The following SLC6A11 variants were observed in gnomAD, a reference collection of about 807,000 sequenced individuals.
The protein encoded by SLC6A11 is sodium- and chloride-dependent GABA transporter 3.
In SLC6A11, 25 loss-of-function variants were observed where a neutral mutation model predicts 74.8. The ratio of observed to expected loss-of-function variants is 0.33; its 90% CI spans 0.24 to 0.47. SLC6A11 has a LOEUF of 0.47. Among genes scored for constraint, SLC6A11 ranks in the 20% least tolerant of loss-of-function variants. The pLI is 1.00. For missense variants in SLC6A11, 574 were observed against 837.0 expected (o/e 0.69, Z 3.88); for synonymous variants, 330 against 330.2 (o/e 1.00, Z 0.01).
chr3:10,828,061 C>A (rs146440266), intron 4 of SLC6A11, among the ~76,000 whole-genome samples: 49 of 152,284 alleles, frequency 3.2e-4, no homozygotes, highest in African/African-American at 1.1e-3. Flanking sequence ...GTGCATTTAT[C>A]TAAATGTGTC....
At chr3:10,914,131 C>T (rs1442845857) in intron 7 of SLC6A11, among the ~76,000 whole-genome samples, 3 of 152,200 alleles carry the variant, frequency 2.0e-5, no homozygotes, top group Non-Finnish European at 4.4e-5. Context: ...CATCATGTGG[C>T]TCGAGTGGCA....
chr3:10,837,855 G>A lies in SLC6A11; in HGVS notation c.624-6359G>A, dbSNP rs1694386682. Among the ~76,000 whole-genome samples, 4 of 152,318 alleles carry A rather than the reference G, an allele frequency of 2.6e-5. 2 individuals are homozygous for A. Among genetic ancestry groups the A allele is most frequent in the Admixed American group, 2.6e-4 (4 of 15,304 alleles). ...CCCCCCATAAATGTGGAGAGTGCAG[G>A]GGACTGTACTTCTTTCTTCCTGGAG... On this transcript the variant is annotated intron_variant, in intron 4 of 13. Transcript: ENST00000254488.
intron 5 of SLC6A11, among the ~76,000 whole-genome samples, chr3:10,846,971 T>C (rs1185409020): frequency 6.6e-6 from 1 of 152,192 alleles, no homozygotes; most frequent in African/African-American, 2.4e-5. Context: ...GAACCTCCTT[T>C]TTCTCGTCTC....
At chr3:10,882,430 C>T (rs1273686146) in intron 6 of SLC6A11, among the ~76,000 whole-genome samples, 2 of 152,148 alleles carry the variant, frequency 1.3e-5, no homozygotes, top group African/African-American at 4.8e-5. Context: ...CCAGCTTGCA[C>T]TCATCACCAT....
chr3:10,933,356 G>T (rs1695716421), intron 11 of SLC6A11, 103 bp downstream of exon 11: 5 of 789,852 alleles, frequency 6.3e-6, no homozygotes, highest in South Asian at 5.8e-5. Context: ...GCTTATCTTG[G>T]TCTATACTGG....
chr3:10,916,657 T>C (rs1559581992), intron 7 of SLC6A11, among the ~76,000 whole-genome samples: 1 of 152,194 alleles, frequency 6.6e-6, no homozygotes, highest in Non-Finnish European at 1.5e-5. Flanking sequence ...TAACATCCTG[T>C]TGTCCAAAGC....
At chr3:10,832,793 G>A (rs1033584067) in intron 4 of SLC6A11, among the ~76,000 whole-genome samples, 1 of 152,192 alleles carries the variant, frequency 6.6e-6, no homozygotes, top group Admixed American at 6.5e-5. Flanking sequence ...CATAGAAGCA[G>A]GTTTTCCAGT....
At chr3:10,896,237 A>G (rs1872391) in intron 6 of SLC6A11, among the ~76,000 whole-genome samples, 28,504 of 152,240 alleles carry the variant, frequency 0.19, 3,350 homozygotes, top group Middle Eastern at 0.29. Context: ...CCAGGGCTAG[A>G]AAAGCTGGCT....
intron 4 of SLC6A11, among the ~76,000 whole-genome samples, chr3:10,825,908 C>G (rs1694203589): frequency 6.6e-6 from 1 of 152,186 alleles, no homozygotes; most frequent in Admixed American, 6.5e-5. Flanking sequence ...GTGCCCATAC[C>G]ACACCTATAG....
At chr3:10,897,156 C>A (rs1695181544) in intron 6 of SLC6A11, among the ~76,000 whole-genome samples, 1 of 152,190 alleles carries the variant, frequency 6.6e-6, no homozygotes, top group African/African-American at 2.4e-5. Context: ...CCCACCAGAT[C>A]CCTCCTATAA....
At chr3:10,830,164 A>G (rs539894540) in intron 4 of SLC6A11, among the ~76,000 whole-genome samples, 1 of 152,322 alleles carries the variant, frequency 6.6e-6, no homozygotes, top group African/African-American at 2.4e-5. Context: ...ACTTTGGGGA[A>G]GGCTACATGG....
intron 4 of SLC6A11, among the ~76,000 whole-genome samples, chr3:10,835,170 G>A (rs1694350532): frequency 1.3e-5 from 2 of 152,238 alleles, no homozygotes; most frequent in Admixed American, 6.5e-5. Flanking sequence ...CTTTGCCTGA[G>A]CTTTCGGCTG....
At chr3:10,832,618 C>T (rs114531367) in intron 4 of SLC6A11, among the ~76,000 whole-genome samples, 3 of 152,210 alleles carry the variant, frequency 2.0e-5, no homozygotes, top group Non-Finnish European at 2.9e-5. Context: ...GTCTCCCCAG[C>T]CCTGCTCTCT....
At chr3:10,907,743 AAGAG>A (rs1318268795) in intron 6 of SLC6A11, among the ~76,000 whole-genome samples, 1 of 152,224 alleles carries the variant, frequency 6.6e-6, no homozygotes, top group African/African-American at 2.4e-5. Flanking sequence ...GGAAAAGAAA[AAGAG>A]AGCCAAGGAT....
In SLC6A11 at chr3:10,915,955, G is replaced by C. The variant is rs1326188492; in HGVS notation, c.996-2374G>C. On this transcript the variant is annotated intron_variant, in intron 7 of 13. Transcript: ENST00000254488. This position sits in a 1 kb window ranked among gnomAD's most constrained non-coding sequence, Gnocchi z 4.3. ...AGCTCCTAGCAAAAGCATGGGCTTT[G>C]ATCTATGTGACTCATCTCCCTCAGC... Among the ~76,000 whole-genome samples the C allele has an allele frequency of 2.3e-4, 35 of 152,186 alleles. No homozygotes were observed.
intron 10 of SLC6A11, among the ~76,000 whole-genome samples, chr3:10,932,551 A>C (rs776517999): frequency 3.9e-5 from 6 of 152,144 alleles, no homozygotes; most frequent in Non-Finnish European, 7.4e-5. Context: ...ATTTGATCTG[A>C]GCTTTGAAGG....
intron 4 of SLC6A11, chr3:10,823,733 T>C (rs1694167746): frequency 4.2e-6 from 1 of 239,512 alleles, no homozygotes; most frequent in Non-Finnish European, 8.3e-6. Flanking sequence ...AAGTCAAGAG[T>C]GTATTTAGCC....
chr3:10,866,348 T>TG (rs1694762709), intron 5 of SLC6A11, among the ~76,000 whole-genome samples: 1 of 152,238 alleles, frequency 6.6e-6, no homozygotes, highest in African/African-American at 2.4e-5. Context: ...TGTCTTTATT[T>TG]GGGGCAGCCA....
At chr3:10,921,290 G>C (rs564602067) in intron 8 of SLC6A11, among the ~76,000 whole-genome samples, 2 of 152,272 alleles carry the variant, frequency 1.3e-5, no homozygotes, top group East Asian at 3.9e-4. Context: ...TGGTCCACTT[G>C]TATTTTGTAA....
Sources: gnomAD v4.1 joint callset for allele counts (sites outside exome capture counted in the v4.1 genomes callset) on GRCh38, gnomAD v4.1.1 for gene constraint, Gnocchi (gnomAD v3.1) non-coding constraint, MANE v1.5 for transcripts, NCBI Gene and HGNC (gene_info 2026-07-23, HGNC 2026-07-21) for gene names.